PBX3: variants seen among roughly 807,000 people sequenced by gnomAD.
PBX3 encodes pre-B-cell leukemia transcription factor 3.
Under a neutral mutation model 48.5 loss-of-function variants are expected in PBX3, and 14 were observed. The observed-to-expected ratio is 0.29, with a 90% confidence interval of 0.19 to 0.45. The LOEUF is 0.45. PBX3 is among the 20% of genes least tolerant of loss of function. PBX3 has a pLI of 1.00. For missense variants in PBX3, 386 were observed against 546.7 expected (o/e 0.71, Z 2.93); for synonymous variants, 210 against 200.3 (o/e 1.05, Z -0.41).
At chr9:125,942,325 G>T (rs2132548727) in intron 5 of PBX3, among the ~76,000 whole-genome samples, 1 of 152,300 alleles carries the variant, frequency 6.6e-6, no homozygotes, top group South Asian at 2.1e-4. Flanking sequence ...GTGAGGCACG[G>T]ACCTTGGATA....
intron 2 of PBX3, among the ~76,000 whole-genome samples, chr9:125,774,836 C>T (rs538345229): frequency 9.3e-5 from 14 of 151,304 alleles, no homozygotes; most frequent in South Asian, 6.3e-4. Context: ...GTAGGTCTAT[C>T]ATTTTACATC....
intron 2 of PBX3, among the ~76,000 whole-genome samples, chr9:125,876,806 T>C (rs544920597): frequency 5.5e-4 from 76 of 138,128 alleles, no homozygotes; most frequent in East Asian, 2.5e-3. Context: ...TTCTTTCTTT[T>C]TTTTTTTTTT....
intron 2 of PBX3, among the ~76,000 whole-genome samples, chr9:125,812,677 G>A (rs1190935707): frequency 2.0e-5 from 3 of 152,152 alleles, no homozygotes; most frequent in Non-Finnish European, 2.9e-5. Flanking sequence ...TCATCATCAG[G>A]CAATTTTGTC....
chr9:125,870,315 C>T (rs953144353), intron 2 of PBX3, among the ~76,000 whole-genome samples: 4 of 152,050 alleles, frequency 2.6e-5, no homozygotes, highest in Admixed American at 6.6e-5. Flanking sequence ...GTGATCCACC[C>T]GCCTTGGCCT....
At chr9:125,947,400 G>A (rs1164130970) in intron 5 of PBX3, among the ~76,000 whole-genome samples, 1 of 152,056 alleles carries the variant, frequency 6.6e-6, no homozygotes, top group African/African-American at 2.4e-5. Context: ...AGACTCTTAC[G>A]TTTTCCGGGA....
chr9:125,836,193 C>A (rs984750476), intron 2 of PBX3, among the ~76,000 whole-genome samples: 2 of 152,162 alleles, frequency 1.3e-5, no homozygotes, highest in Non-Finnish European at 2.9e-5. Flanking sequence ...CGCCTGTAAT[C>A]CAAGCACTTT....
chr9:125,794,745 A>G (rs1021094894), intron 2 of PBX3, among the ~76,000 whole-genome samples: 2 of 151,836 alleles, frequency 1.3e-5, no homozygotes, highest in African/African-American at 4.8e-5. Flanking sequence ...AAAACAAATA[A>G]AAACTCAGAG....
chr9:125,833,593 A>G (rs1488662256), intron 2 of PBX3, among the ~76,000 whole-genome samples: 1 of 152,232 alleles, frequency 6.6e-6, no homozygotes, highest in African/African-American at 2.4e-5. Context: ...AAACTTGAGG[A>G]TTAACCTAAT....
chr9:125,875,961 C>T (rs895425308), intron 2 of PBX3, among the ~76,000 whole-genome samples: 4 of 152,212 alleles, frequency 2.6e-5, no homozygotes, highest in African/African-American at 9.6e-5. Context: ...GAAGGCATAG[C>T]TTCTCACACT....
intron 2 of PBX3, among the ~76,000 whole-genome samples, chr9:125,890,108 A>G (rs1257354080): frequency 1.3e-5 from 2 of 152,140 alleles, no homozygotes; most frequent in African/African-American, 4.8e-5. Context: ...CAGAAACTTG[A>G]TTTGAGGCCT....
intron 2 of PBX3, among the ~76,000 whole-genome samples, chr9:125,818,945 C>G (rs545058377): frequency 6.6e-6 from 1 of 151,992 alleles, no homozygotes. Context: ...AAGGAATTCA[C>G]CTGCCTCAAC....
intron 2 of PBX3, among the ~76,000 whole-genome samples, chr9:125,765,213 A>G (rs1054626594): frequency 6.6e-5 from 10 of 151,008 alleles, no homozygotes; most frequent in Admixed American, 6.6e-4. Context: ...GCAGTGGTAC[A>G]GTCATGGCTC....
intron 5 of PBX3, chr9:125,949,550 T>C (rs1278902608): frequency 5.6e-5 from 76 of 1,348,754 alleles, no homozygotes; most frequent in Non-Finnish European, 4.8e-5. Flanking sequence ...ATAGTATTCT[T>C]TACTCCAAAA....
At chr9:125,787,360 T>C (rs1389378333) in intron 2 of PBX3, among the ~76,000 whole-genome samples, 1 of 152,040 alleles carries the variant, frequency 6.6e-6, no homozygotes, top group South Asian at 2.1e-4. Flanking sequence ...CTTCAGTAAG[T>C]TGGGCTGTGA....
intron 2 of PBX3, among the ~76,000 whole-genome samples, chr9:125,819,711 T>TA (rs1838591824): frequency 6.6e-6 from 1 of 151,944 alleles, no homozygotes; most frequent in Admixed American, 6.6e-5. Context: ...ATCCAGTGTT[T>TA]TATATATATA....
At chr9:125,771,267 C>G (rs556551693) in intron 2 of PBX3, among the ~76,000 whole-genome samples, 1 of 152,292 alleles carries the variant, frequency 6.6e-6, no homozygotes, top group Admixed American at 6.5e-5. Flanking sequence ...AGGCTTTTTA[C>G]TGGCTTATCT....
chr9:125,869,742 A>T (rs1042812728), intron 2 of PBX3, among the ~76,000 whole-genome samples: 35 of 152,182 alleles, frequency 2.3e-4, no homozygotes, highest in African/African-American at 8.4e-4. Flanking sequence ...CACTAAAATA[A>T]TTTCTAAAGG....
At chr9:125,855,110 G>C (rs1839686487) in intron 2 of PBX3, among the ~76,000 whole-genome samples, 1 of 152,108 alleles carries the variant, frequency 6.6e-6, no homozygotes, top group Admixed American at 6.5e-5. Flanking sequence ...GTCTTTCAAT[G>C]GTTGATTCAC....
At chr9:125,775,387 T>A (rs1305939468) in intron 2 of PBX3, among the ~76,000 whole-genome samples, 1 of 152,196 alleles carries the variant, frequency 6.6e-6, no homozygotes, top group Non-Finnish European at 1.5e-5. Context: ...GGTCTTATAT[T>A]TAGGTGGTTA....
Sources: gnomAD v4.1 joint callset for allele counts (sites outside exome capture counted in the v4.1 genomes callset) on GRCh38, gnomAD v4.1.1 for gene constraint, MANE v1.5 for transcripts, NCBI Gene and HGNC (gene_info 2026-07-23, HGNC 2026-07-21) for gene names.